PARD6G: variants seen among roughly 807,000 people sequenced by gnomAD.
The protein encoded by PARD6G is par-6 family cell polarity regulator gamma, also known as partitioning defective 6 homolog gamma.
PARD6G carries 7 observed loss-of-function variants against 10.7 expected under a neutral mutation model. That is an observed-to-expected ratio of 0.66 (90% confidence interval 0.37 to 1.23). The LOEUF (loss-of-function observed/expected upper bound fraction) is 1.23. Ranked by LOEUF, PARD6G falls within the 50% of genes most tolerant of loss-of-function variation. PARD6G has a pLI of 0.02. For missense variants in PARD6G, 548 were observed against 571.8 expected (o/e 0.96, Z 0.42); for synonymous variants, 287 against 269.4 (o/e 1.07, Z -0.64).
At position 80,182,027 on chromosome 18, in the gene PARD6G, T is replaced by C. The variant is rs2052851097; in HGVS notation, c.295+20683A>G. ...AACTCCTCATCTTGCCACCTGCTTT[T>C]GTTACGCAAGAAACTGAGGCAGAAA... On this transcript the variant is annotated intron_variant, in intron 2 of 2. Transcript: ENST00000353265. This position sits in a 1 kb window ranked among gnomAD's most constrained non-coding sequence, Gnocchi z 4.5. Among the ~76,000 whole-genome samples the C allele has an allele frequency of 1.3e-5, 2 of 152,206 alleles. No individual in the cohort carries two copies. The highest frequency in any genetic ancestry group is 3.8e-4 in the East Asian group (2 of 5,198).
At chr18:80,221,770 A>G (rs1967233103) in intron 1 of PARD6G, among the ~76,000 whole-genome samples, 1 of 152,256 alleles carries the variant, frequency 6.6e-6, no homozygotes, top group South Asian at 2.1e-4. Flanking sequence ...TTCACAGATG[A>G]TATGCATTTG....
chr18:80,227,947 C>T (rs28758999), intron 1 of PARD6G, among the ~76,000 whole-genome samples: 3 of 152,110 alleles, frequency 2.0e-5, no homozygotes, highest in African/African-American at 7.2e-5. Flanking sequence ...TGTTCTCTTG[C>T]GTGGCCGTGT....
chr18:80,224,710 G>A (rs903759676), intron 1 of PARD6G, among the ~76,000 whole-genome samples: 14 of 152,296 alleles, frequency 9.2e-5, no homozygotes, highest in Middle Eastern at 3.4e-3. Flanking sequence ...AGCCGGGCGT[G>A]ATGGCGGGCG....
intron 1 of PARD6G, among the ~76,000 whole-genome samples, chr18:80,243,356 T>G (rs1368011322): frequency 6.6e-6 from 1 of 152,114 alleles, no homozygotes; most frequent in Non-Finnish European, 1.5e-5. Context: ...ACATGCCTAT[T>G]TGACCCAAAT....
At chr18:80,166,381 C>T (rs1025448088) in intron 2 of PARD6G, among the ~76,000 whole-genome samples, 1 of 151,530 alleles carries the variant, frequency 6.6e-6, no homozygotes, top group Non-Finnish European at 1.5e-5. Flanking sequence ...AAGCAGGCGA[C>T]ACAGTCTGGG....
rs145155614 is a variant in PARD6G, at chr18:80,204,468, T to C, written c.73-1536A>G. 5.3e-3 allele frequency among the ~76,000 whole-genome samples: 812 copies of C among 152,244 alleles called. 3 individuals carry two copies. The highest frequency in any genetic ancestry group is 0.014 in the Middle Eastern group (4 of 294). ...TTTTATGGGAATCAGCCACTAGACCTTAACCTCCACAGATTCTTTGTGAAA... is the reference window on the plus strand; with the variant it reads ...TTTTATGGGAATCAGCCACTAGACCCTAACCTCCACAGATTCTTTGTGAAA... On this transcript the variant is annotated intron_variant, in intron 1 of 2. Coordinates refer to ENST00000353265, the MANE Select transcript of PARD6G (RefSeq NM_032510.4).
intron 1 of PARD6G, among the ~76,000 whole-genome samples, chr18:80,211,392 T>C (rs563457628): frequency 1.3e-5 from 2 of 152,310 alleles, no homozygotes; most frequent in African/African-American, 4.8e-5. Flanking sequence ...GGATGGCTAC[T>C]ATCGAAAAAG....
In PARD6G at chr18:80,183,101, AC is replaced by A. The variant is rs1373312488; in HGVS notation, c.295+19608del. 1 of 702,740 alleles carries A rather than the reference AC, an allele frequency of 1.4e-6. No homozygotes were observed. Among genetic ancestry groups the A allele is most frequent in the Non-Finnish European group, 2.6e-6 (1 of 384,986 alleles). 43.5% of individuals were successfully genotyped at this position (702,740 alleles called of 1,614,324 possible). ...GGGCACAGAGAAGTCCCCCTTTCAA[AC>A]CAAGATTTGAGCTGAAGAGTCAGGT... On this transcript the variant is annotated intron_variant, in intron 2 of 2. Coordinates refer to ENST00000353265, the MANE Select transcript of PARD6G (RefSeq NM_032510.4). The surrounding 1 kb of genome is among the most constrained non-coding windows in gnomAD (Gnocchi z 4.5).
chr18:80,194,611 G>A (rs1006388650), intron 2 of PARD6G, among the ~76,000 whole-genome samples: 2 of 152,044 alleles, frequency 1.3e-5, no homozygotes, highest in Non-Finnish European at 2.9e-5. Context: ...TCTTAGTTCC[G>A]TGGGGTAGGG....
rs529144383 is a variant in PARD6G, at chr18:80,216,936, G to C, written c.73-14004C>G. On this transcript the variant is annotated intron_variant, in intron 1 of 2. Coordinates refer to ENST00000353265, the MANE Select transcript of PARD6G (RefSeq NM_032510.4). Reference sequence around the variant, plus strand: ...TAATGGTGAAGGGGACATTGCTATGGGCCTTAAGGAATCAAGGATTATAAA... The same window carrying C: ...TAATGGTGAAGGGGACATTGCTATGCGCCTTAAGGAATCAAGGATTATAAA... 6.1e-4 allele frequency among the ~76,000 whole-genome samples: 93 copies of C among 152,170 alleles called. 1 individual carries two copies. The highest frequency in any genetic ancestry group is 2.1e-3 in the African/African-American group (87 of 41,528).
chr18:80,177,062 A>G lies in PARD6G; in HGVS notation c.296-16456T>C, dbSNP rs966197188. 2.7e-5 allele frequency among the ~76,000 whole-genome samples: 4 copies of G among 147,768 alleles called. No individual in the cohort carries two copies. In the East Asian group the frequency reaches 8.2e-4, roughly 30 times the overall value. ...ACACACACACACCACAGTATAAATC[A>G]CAGCCCAAATGGAAAGCGCGCACAC... is the stretch of plus-strand genomic sequence containing the variant. On this transcript the variant is annotated intron_variant, in intron 2 of 2. Transcript: ENST00000353265.
chr18:80,199,047 T>C (rs1218732994), intron 2 of PARD6G, among the ~76,000 whole-genome samples: 2 of 152,204 alleles, frequency 1.3e-5, no homozygotes, highest in Non-Finnish European at 2.9e-5. Context: ...CTGGCAACCA[T>C]GAGTCTATGG....
chr18:80,172,460 C>T (rs1056153591), intron 2 of PARD6G, among the ~76,000 whole-genome samples: 30 of 151,300 alleles, frequency 2.0e-4, no homozygotes, highest in Middle Eastern at 3.4e-3. Context: ...CTCACTGCAA[C>T]CTCTGCCTCC....
chr18:80,187,306 G>C (rs2052885189), intron 2 of PARD6G, among the ~76,000 whole-genome samples: 2 of 152,164 alleles, frequency 1.3e-5, no homozygotes, highest in Non-Finnish European at 2.9e-5. Flanking sequence ...CTCCCTCCCA[G>C]TGAGAAATGT....
intron 1 of PARD6G, among the ~76,000 whole-genome samples, chr18:80,226,834 A>T (rs11659843): frequency 0.19 from 28,537 of 152,152 alleles, 2,875 homozygotes; most frequent in Middle Eastern, 0.28. Context: ...CCAAGCAGCC[A>T]CAAATTTAAA....
At chr18:80,186,371 CCA>C (rs1491050543) in intron 2 of PARD6G, among the ~76,000 whole-genome samples, 2 of 131,222 alleles carry the variant, frequency 1.5e-5, no homozygotes, top group Admixed American at 7.5e-5. Context: ...GCTCGCACAC[CCA>C]CACATGCTCG....
rs542725811 is a variant in PARD6G at position 80,226,980 on chromosome 18, T to C, written c.72+20297A>G. Among the ~76,000 whole-genome samples, 14 of 152,336 alleles carry C rather than the reference T, an allele frequency of 9.2e-5. 1 individual carries two copies. The South Asian group carries it at 2.9e-3, about 32-fold the overall frequency. On this transcript the variant is annotated intron_variant, in intron 1 of 2. Transcript: ENST00000353265. ...ACCAGAGTTTTTGTTTATTTGCTTT[T>C]TGGAGACAGGGTCTTATTCTGTTGC... is the stretch of plus-strand genomic sequence containing the variant.
At chr18:80,213,311 G>A (rs1967127050) in intron 1 of PARD6G, among the ~76,000 whole-genome samples, 1 of 152,180 alleles carries the variant, frequency 6.6e-6, no homozygotes, top group Non-Finnish European at 1.5e-5. Context: ...CACAGGGGCA[G>A]GGCTTTGTGC....
rs1021807114 is a variant in PARD6G, at chr18:80,182,619, C to T, written c.295+20091G>A. On this transcript the variant is annotated intron_variant, in intron 2 of 2. Transcript: ENST00000353265. This position sits in a 1 kb window ranked among gnomAD's most constrained non-coding sequence, Gnocchi z 4.5. ...GGCCAATTTGTTCTGAGAACAAATA[C>T]AAAACTGCATAAAAATAGCTTCCAC... Among the ~76,000 whole-genome samples the T allele has an allele frequency of 2.6e-5, 4 of 152,118 alleles. No individual in the cohort carries two copies. The highest frequency in any genetic ancestry group is 9.7e-5 in the African/African-American group (4 of 41,434).
Sources: allele counts gnomAD v4.1 joint callset (sites outside exome capture counted in the v4.1 genomes callset), GRCh38; gene constraint gnomAD v4.1.1; non-coding constraint Gnocchi (gnomAD v3.1); transcripts MANE v1.5; gene names NCBI Gene and HGNC (gene_info 2026-07-23, HGNC 2026-07-21).